PPP2R5E: variants seen among roughly 807,000 people sequenced by gnomAD.
The protein encoded by PPP2R5E is serine/threonine-protein phosphatase 2A 56 kDa regulatory subunit epsilon isoform.
Under a neutral mutation model 65.3 loss-of-function variants are expected in PPP2R5E, and 4 were observed. That is an observed-to-expected ratio of 0.06 (90% CI 0.03 to 0.14). The LOEUF is 0.14. Among genes scored for constraint, PPP2R5E ranks in the 10% least tolerant of loss-of-function variants. The pLI, the probability that PPP2R5E is intolerant of heterozygous loss-of-function variation, is 1.00. For synonymous variants in PPP2R5E, 183 were observed against 187.4 expected (o/e 0.98, Z 0.19); for missense variants, 274 against 556.1 (o/e 0.49, Z 5.10).
At chr14:63,394,476 T>C (rs1157076139) in intron 7 of PPP2R5E, among the ~76,000 whole-genome samples, 1 of 152,230 alleles carries the variant, frequency 6.6e-6, no homozygotes, top group Admixed American at 6.5e-5. Context: ...AAGGCTCCTG[T>C]GCTCCTAAAA....
At chr14:63,392,255 T>G (rs1885067360) in intron 8 of PPP2R5E, among the ~76,000 whole-genome samples, 1 of 152,192 alleles carries the variant, frequency 6.6e-6, no homozygotes, top group South Asian at 2.1e-4. Flanking sequence ...AAAAGAGTAT[T>G]AGGACATGAA....
At chr14:63,498,931 G>C (rs1891716498) in intron 2 of PPP2R5E, among the ~76,000 whole-genome samples, 1 of 152,044 alleles carries the variant, frequency 6.6e-6, no homozygotes. Flanking sequence ...GCTCTTTAAA[G>C]TAAATATTAG....
At chr14:63,421,612 TC>T (rs1210770181) in intron 4 of PPP2R5E, among the ~76,000 whole-genome samples, 2 of 152,208 alleles carry the variant, frequency 1.3e-5, no homozygotes, top group African/African-American at 4.8e-5. Flanking sequence ...CATACAAAGT[TC>T]CCAGGGTACA....
chr14:63,531,220 G>C (rs908883709), intron 2 of PPP2R5E, among the ~76,000 whole-genome samples: 9 of 152,202 alleles, frequency 5.9e-5, no homozygotes, highest in Admixed American at 5.9e-4. Context: ...TGCCATGTTG[G>C]TGTGCTGCAC....
intron 3 of PPP2R5E, among the ~76,000 whole-genome samples, chr14:63,428,618 G>A (rs774080488): frequency 6.6e-6 from 1 of 152,102 alleles, no homozygotes; most frequent in African/African-American, 2.4e-5. Flanking sequence ...TTAGTTTACT[G>A]CTGACTATTG....
chr14:63,461,863 T>C (rs113884249), intron 2 of PPP2R5E, among the ~76,000 whole-genome samples: 1,972 of 143,190 alleles, frequency 0.014, 42 homozygotes, highest in African/African-American at 0.05. Flanking sequence ...CACACACACA[T>C]GCATGTGCAC....
rs528081976 is a variant in PPP2R5E at position 63,379,826 on chromosome 14, C to CTCTCTCTTTT, written c.1304+2229_1304+2230insAAAAGAGAGA. Among the ~76,000 whole-genome samples the CTCTCTCTTTT allele has an allele frequency of 1.1e-4, 11 of 100,280 alleles. 1 individual carries two copies. Among genetic ancestry groups the CTCTCTCTTTT allele is most frequent in the African/African-American group, 4.2e-4 (8 of 19,170 alleles). The allele number at this position is 100,280 out of a possible 152,430, so 65.8% of individuals were successfully genotyped here. A position where few individuals can be genotyped will look rare whatever the true frequency, so the allele number is the denominator to read the frequency against. ...TAAGTTGTTCTTCAATATTCTCTCT[C>CTCTCTCTTTT]TTTTTTTTTTTTTTTTTTTTTTTTT... On this transcript the variant is annotated intron_variant, in intron 13 of 13. Coordinates refer to ENST00000337537, the MANE Select transcript of PPP2R5E (RefSeq NM_006246.5).
At chr14:63,393,749 T>C in intron 8 of PPP2R5E, 71 bp downstream of exon 8, 1 of 1,044,800 alleles carries the variant, frequency 9.6e-7, no homozygotes, top group Non-Finnish European at 1.4e-6. Context: ...GAAGGTTATA[T>C]CAATATCAAA....
rs190002765 is a variant in PPP2R5E, at chr14:63,539,749, G to C, written c.-7-57C>G. ...ATTCCCAAGGTGGAAGCATACATGT[G>C]AGTTATACAAATTCTAAAATTCCCA... On this transcript the variant is annotated intron_variant, in intron 1 of 13. Transcript: ENST00000337537. 2.8e-3 allele frequency: 4,147 copies of C among 1,480,196 alleles called. 179 individuals carry two copies. The Admixed American group carries it at 0.079, about 28-fold the overall frequency. The allele number at this position is 1,480,196 out of a possible 1,614,324, so 91.7% of individuals were successfully genotyped here.
intron 13 of PPP2R5E, among the ~76,000 whole-genome samples, chr14:63,378,991 A>G (rs1433678611): frequency 6.6e-6 from 1 of 151,066 alleles, no homozygotes; most frequent in African/African-American, 2.4e-5. Context: ...TCTATTGCTC[A>G]TTTGACAAAT....
chr14:63,509,954 C>CA (rs1480661501), intron 2 of PPP2R5E, among the ~76,000 whole-genome samples: 2 of 152,186 alleles, frequency 1.3e-5, no homozygotes, highest in African/African-American at 4.8e-5. Context: ...ACTACCTGAG[C>CA]ATCCATGCCT....
intron 2 of PPP2R5E, among the ~76,000 whole-genome samples, chr14:63,517,107 T>G (rs1296050625): frequency 5.3e-5 from 8 of 152,202 alleles, no homozygotes; most frequent in Admixed American, 5.2e-4. Context: ...TCAACTATCC[T>G]TGCATCTGTG....
At chr14:63,495,745 C>G (rs893417846) in intron 2 of PPP2R5E, among the ~76,000 whole-genome samples, 2 of 151,462 alleles carry the variant, frequency 1.3e-5, no homozygotes, top group Non-Finnish European at 2.9e-5. Flanking sequence ...GGCTGGAGTG[C>G]AGTGGTGCAA....
At chr14:63,400,124 T>G (rs1885662405) in intron 5 of PPP2R5E, among the ~76,000 whole-genome samples, 1 of 152,234 alleles carries the variant, frequency 6.6e-6, no homozygotes, top group African/African-American at 2.4e-5. Flanking sequence ...CATTCATCTG[T>G]TCATTTTAAA....
chr14:63,427,737 C>T (rs985140745), intron 3 of PPP2R5E, among the ~76,000 whole-genome samples: 1 of 152,228 alleles, frequency 6.6e-6, no homozygotes, highest in African/African-American at 2.4e-5. Context: ...AAAACCTGGA[C>T]AACCCCTCTT....
intron 2 of PPP2R5E, among the ~76,000 whole-genome samples, chr14:63,529,914 C>T (rs1893342345): frequency 6.6e-6 from 1 of 152,092 alleles, no homozygotes; most frequent in African/African-American, 2.4e-5. Context: ...CTGTTTATGG[C>T]TTACAGTGTT....
chr14:63,452,559 C>A (rs188296020), intron 3 of PPP2R5E: 1 of 152,300 alleles, frequency 6.6e-6, no homozygotes, highest in East Asian at 1.9e-4. Context: ...TGCTCAAGAG[C>A]CACACGGTCA....
At chr14:63,511,441 TCA>T (rs1892448872) in intron 2 of PPP2R5E, among the ~76,000 whole-genome samples, 1 of 152,146 alleles carries the variant, frequency 6.6e-6, no homozygotes, top group Non-Finnish European at 1.5e-5. Flanking sequence ...ATGAGTGAGC[TCA>T]GAGGAGAAGA....
intron 2 of PPP2R5E, among the ~76,000 whole-genome samples, chr14:63,532,664 G>A (rs1039694305): frequency 1.6e-4 from 25 of 151,990 alleles, no homozygotes; most frequent in Admixed American, 5.2e-4. Flanking sequence ...GACTATTAAC[G>A]TCATCATCAT....
Sources: allele counts gnomAD v4.1 joint callset (sites outside exome capture counted in the v4.1 genomes callset), GRCh38; gene constraint gnomAD v4.1.1; transcripts MANE v1.5; gene names NCBI Gene and HGNC (gene_info 2026-07-23, HGNC 2026-07-21).